SLC25A15: variants seen among roughly 807,000 people sequenced by gnomAD.
The protein encoded by SLC25A15 is solute carrier family 25 member 15, also known as mitochondrial ornithine transporter 1.
In SLC25A15, 24 loss-of-function variants were observed where a neutral mutation model predicts 32.3. The observed-to-expected ratio is 0.74, with a 90% CI of 0.54 to 1.04. The LOEUF (loss-of-function observed/expected upper bound fraction) is 1.04. Ranked by LOEUF, SLC25A15 falls within the 50% of genes least tolerant of loss-of-function variation. SLC25A15 has a pLI of 0.00. For missense variants in SLC25A15, 317 were observed against 374.5 expected (o/e 0.85, Z 1.27); for synonymous variants, 132 against 142.1 (o/e 0.93, Z 0.51).
At chr13:40,800,698 G>A (rs2282024) in intron 3 of SLC25A15, among the ~76,000 whole-genome samples, 57,655 of 151,934 alleles carry the variant, frequency 0.38, 11,697 homozygotes, top group East Asian at 0.52. Context: ...GGCTCTGCCC[G>A]CCCCTCCACT....
intron 2 of SLC25A15, chr13:40,798,836 C>T: frequency 6.1e-6 from 6 of 985,410 alleles, no homozygotes; most frequent in Non-Finnish European, 7.2e-6. Flanking sequence ...CTGTCTCTCT[C>T]CCCTGCCTGG....
At chr13:40,794,571 G>C (rs2138040829) in intron 2 of SLC25A15, among the ~76,000 whole-genome samples, 1 of 152,294 alleles carries the variant, frequency 6.6e-6, no homozygotes, top group East Asian at 1.9e-4. Flanking sequence ...TGCAGGAAGA[G>C]CAGGACCCTC....
chr13:40,809,415 C>T, intron 6 of SLC25A15, 128 bp from the exon 7 acceptor site: 4 of 1,165,094 alleles, frequency 3.4e-6, no homozygotes, highest in East Asian at 2.3e-5. Context: ...ATGCATCCTT[C>T]TATGACTTGT....
intron 3 of SLC25A15, among the ~76,000 whole-genome samples, chr13:40,803,797 G>A (rs186852037): frequency 6.6e-6 from 1 of 152,222 alleles, no homozygotes; most frequent in East Asian, 1.9e-4. Context: ...GTTTTTTCTG[G>A]GTTTTCATCT....
chr13:40,798,976 G>A (rs929319558), intron 2 of SLC25A15, 81 bp from the exon 3 acceptor site: 3 of 1,612,374 alleles, frequency 1.9e-6, no homozygotes, highest in Non-Finnish European at 2.5e-6. Context: ...GGTAAGTTCT[G>A]GGGTAGGCTG....
intron 3 of SLC25A15, among the ~76,000 whole-genome samples, chr13:40,800,073 A>G (rs967087018): frequency 1.1e-4 from 16 of 152,214 alleles, no homozygotes; most frequent in African/African-American, 3.9e-4. Flanking sequence ...TATACCACTT[A>G]AAATTATTAT....
chr13:40,807,871 C>T (rs774086033), intron 5 of SLC25A15, among the ~76,000 whole-genome samples: 5 of 152,154 alleles, frequency 3.3e-5, no homozygotes, highest in African/African-American at 7.2e-5. Flanking sequence ...TGTAGCTTAT[C>T]GTGTTTAGCT....
intron 3 of SLC25A15, among the ~76,000 whole-genome samples, chr13:40,801,964 A>T (rs1244492317): frequency 6.6e-6 from 1 of 152,232 alleles, no homozygotes; most frequent in Non-Finnish European, 1.5e-5. Context: ...TGCATATCTG[A>T]TTTGACTGTG....
intron 3 of SLC25A15, among the ~76,000 whole-genome samples, chr13:40,804,543 A>AT (rs11354749): frequency 0.01 from 1,398 of 136,110 alleles, 30 homozygotes; most frequent in African/African-American, 0.033. Context: ...TCCTTTCATC[A>AT]TTTTTTTTTT....
chr13:40,802,121 T>A (rs1384500275), intron 3 of SLC25A15: 1 of 152,234 alleles, frequency 6.6e-6, no homozygotes, highest in Non-Finnish European at 1.5e-5. Context: ...TAATTGACTA[T>A]TGCCTGTCAA....
chr13:40,807,500 G>A, intron 5 of SLC25A15, 37 bp downstream of exon 5: 1 of 1,606,174 alleles, frequency 6.2e-7, no homozygotes, highest in South Asian at 1.1e-5. Flanking sequence ...GGGGTGTGAT[G>A]GTGTTTGCTC....
Position 40,805,125 on chromosome 13 carries a change from C to T in SLC25A15, c.322C>T (p.Gln108Ter). The T allele has an allele frequency of 6.2e-7, 1 of 1,614,086 alleles. No homozygotes were observed. The highest frequency in any genetic ancestry group is 8.5e-7 in the Non-Finnish European group (1 of 1,179,992). Residue 108 changes from glutamine (Q) to a stop codon, truncating the protein, a stop_gained, in exon 4 of 7, where the codon CAG becomes TAG. Coordinates refer to ENST00000338625, the MANE Select transcript of SLC25A15 (RefSeq NM_014252.4). LOFTEE classifies it high-confidence loss of function. ...CTGCTTGTGTGCTTTCAGTGATCTGCAGAATGCAGCCGCCGGTTCCTTCGC... is the reference window on the plus strand; with the variant it reads ...CTGCTTGTGTGCTTTCAGTGATCTGTAGAATGCAGCCGCCGGTTCCTTCGC... Reference protein sequence around the residue: ...LDKQAKLSDLQNAAAGSFASA... With the variant: ...LDKQAKLSDL
intron 2 of SLC25A15, 37 bp downstream of exon 2, chr13:40,793,318 T>TG (rs1405957058): frequency 3.2e-6 from 5 of 1,546,852 alleles, no homozygotes; most frequent in Non-Finnish European, 4.5e-6. Context: ...TTTCTGTCGT[T>TG]GATGGATGGT....
At chr13:40,791,084 T>G (rs1190902810) in intron 1 of SLC25A15, among the ~76,000 whole-genome samples, 1 of 151,892 alleles carries the variant, frequency 6.6e-6, no homozygotes, top group Admixed American at 6.6e-5. Flanking sequence ...TTGCCCCCGT[T>G]TTTTTCTTTC....
intron 5 of SLC25A15, 51 bp from the exon 6 acceptor site, chr13:40,808,387 C>T (rs1882283201): frequency 1.3e-6 from 2 of 1,516,632 alleles, no homozygotes; most frequent in Non-Finnish European, 9.1e-7. Flanking sequence ...GGAAATGTCA[C>T]ATCAGCTGTT....
chr13:40,797,559 T>C (rs1441931767), intron 2 of SLC25A15, among the ~76,000 whole-genome samples: 2 of 152,184 alleles, frequency 1.3e-5, no homozygotes, highest in Non-Finnish European at 2.9e-5. Context: ...TGGGGATAAT[T>C]TGGCAATTAA....
chr13:40,806,164 A>G (rs193242546), intron 4 of SLC25A15, among the ~76,000 whole-genome samples: 2 of 152,328 alleles, frequency 1.3e-5, no homozygotes, highest in Non-Finnish European at 2.9e-5. Flanking sequence ...GTAAGTCTTT[A>G]AAACTTTTTA....
At chr13:40,795,915 A>T (rs1375955021) in intron 2 of SLC25A15, among the ~76,000 whole-genome samples, 1 of 152,234 alleles carries the variant, frequency 6.6e-6, no homozygotes, top group African/African-American at 2.4e-5. Context: ...GTGTGAAGAC[A>T]GGGCAGGACT....
chr13:40,809,781 T>G lies in SLC25A15; in HGVS notation c.*114T>G. 8.3e-7 allele frequency: 1 copy of G among 1,201,730 alleles called. No individual in the cohort carries two copies. Among genetic ancestry groups the G allele is most frequent in the South Asian group, 1.2e-5 (1 of 80,610 alleles). 74.4% of individuals were successfully genotyped at this position (1,201,730 alleles called of 1,614,324 possible). On this transcript the variant is annotated 3_prime_UTR_variant, in exon 7 of 7. Transcript: ENST00000338625. ...TATTCTGATTTCTTGGGAATTTTGC[T>G]TTTTGTCTTCCCTTCTACCCTACAT... is the stretch of plus-strand genomic sequence containing the variant.
Sources: allele counts gnomAD v4.1 joint callset (sites outside exome capture counted in the v4.1 genomes callset), GRCh38; gene constraint gnomAD v4.1.1; transcripts MANE v1.5; gene names NCBI Gene and HGNC (gene_info 2026-07-23, HGNC 2026-07-21).